Variants in DNAH5 observed in about 807,000 individuals in gnomAD.
DNAH5 encodes dynein axonemal heavy chain 5, also known as axonemal beta dynein heavy chain 5.
Under a neutral mutation model 518.2 loss-of-function variants are expected in DNAH5, and 372 were observed. That is an observed-to-expected ratio of 0.72 (90% CI 0.66 to 0.78). The LOEUF (loss-of-function observed/expected upper bound fraction) is 0.78, where lower values mean the gene tolerates loss of function less well. DNAH5 is among the 30% of genes least tolerant of loss of function. The pLI, the probability that DNAH5 is intolerant of heterozygous loss-of-function variation, is 0.00. For synonymous variants in DNAH5, 2,039 were observed against 2,025.9 expected, an observed-to-expected ratio of 1.01 and a Z score of -0.17; for missense variants, 5,523 against 5,687.0, an observed-to-expected ratio of 0.97 and a Z score of 0.93.
intron 47 of DNAH5, among the ~76,000 whole-genome samples, chr5:13,800,795 T>C (rs1028315923): frequency 3.3e-5 from 5 of 152,324 alleles, no homozygotes; most frequent in Middle Eastern, 3.4e-3. Context: ...ATCTCTTTGA[T>C]TGGTGTTCCC....
intron 35 of DNAH5, among the ~76,000 whole-genome samples, chr5:13,837,260 T>A (rs545109280): frequency 6.6e-6 from 1 of 152,056 alleles, no homozygotes; most frequent in African/African-American, 2.4e-5. Flanking sequence ...ATGAAGTGAG[T>A]TGAAGAAAAA....
At position 13,807,732 on chromosome 5, in the gene DNAH5, T is replaced by C. The variant is rs374025017; in HGVS notation, c.7753-7A>G. On this transcript the variant is annotated splice_polypyrimidine_tract_variant and splice_region_variant and intron_variant, in intron 46 of 78. Coordinates refer to ENST00000265104, the MANE Select transcript of DNAH5 (RefSeq NM_001369.3). ...CACCAATTAATAGCACAGCCTAAAA[T>C]AGAGGGAATTGAAAAAAAAAGAAAT... The C allele has an allele frequency of 4.9e-5, 79 of 1,599,798 alleles. No homozygotes were observed. Among genetic ancestry groups the C allele is most frequent in the African/African-American group, 4.3e-4 (32 of 74,608 alleles).
intron 53 of DNAH5, among the ~76,000 whole-genome samples, chr5:13,780,018 C>T (rs1339430156): frequency 6.6e-6 from 1 of 152,172 alleles, no homozygotes; most frequent in East Asian, 1.9e-4. Flanking sequence ...TTTATCATCA[C>T]TTTAAAGGCC....
Position 13,919,239 on chromosome 5 carries a change from C to T in DNAH5, c.912G>A (p.Leu304=), listed in dbSNP as rs1776989378. Residue 304 remains leucine, a synonymous_variant, in exon 7 of 79, where the codon TTG becomes TTA. Coordinates refer to ENST00000265104, the MANE Select transcript of DNAH5 (RefSeq NM_001369.3). ...LSKFNYLLEQ[L]KSPDVKAVLA... Reference sequence around the variant, plus strand: ...GCACAGCCTTCACATCCGGGCTTTTCAATTGTTCCAAAAGGTAGTTAAACT... The same window carrying T: ...GCACAGCCTTCACATCCGGGCTTTTTAATTGTTCCAAAAGGTAGTTAAACT... The T allele has an allele frequency of 1.2e-6, 2 of 1,614,136 alleles. No homozygotes were observed. Among genetic ancestry groups the T allele is most frequent in the East Asian group, 4.5e-5 (2 of 44,886 alleles).
intron 47 of DNAH5, among the ~76,000 whole-genome samples, chr5:13,796,027 C>T (rs1301621676): frequency 3.9e-5 from 6 of 152,174 alleles, no homozygotes; most frequent in Non-Finnish European, 8.8e-5. Context: ...TCTCAATAAA[C>T]TAGGTATTGA....
Position 13,841,704 on chromosome 5 carries a change from G to A in DNAH5, c.5472C>T (p.Ser1824=), listed in dbSNP as rs372046349. 116 of 1,612,122 alleles carry A rather than the reference G, an allele frequency of 7.2e-5. No individual in the cohort carries two copies. Among genetic ancestry groups the A allele is most frequent in the Non-Finnish European group, 9.8e-5 (115 of 1,178,368 alleles). Residue 1824 remains serine, a synonymous_variant, in exon 33 of 79, where the codon TCC becomes TCT. Transcript: ENST00000265104. Reference sequence around the variant, plus strand: ...TCAATACACTGACCTGAGCAGGGAAGGATGAAAGAAATTCAGTTAGTTGGA... The same window carrying A: ...TCAATACACTGACCTGAGCAGGGAAAGATGAAAGAAATTCAGTTAGTTGGA... ...TGFQLTEFLS[S]FPAQVGLLGI...
At chr5:13,772,426 G>T (rs1753470159) in intron 55 of DNAH5, among the ~76,000 whole-genome samples, 1 of 152,160 alleles carries the variant, frequency 6.6e-6, no homozygotes, top group Admixed American at 6.5e-5. Context: ...TTTTTCCACA[G>T]ACCCAGGATC....
At chr5:13,904,393 ATAAAT>A (rs929154544) in intron 12 of DNAH5, among the ~76,000 whole-genome samples, 2 of 148,552 alleles carry the variant, frequency 1.3e-5, no homozygotes, top group African/African-American at 4.9e-5. Context: ...GATATTATAT[ATAAAT>A]TATAGATATA....
chr5:13,978,015 C>A (rs1256584188), intron 1 of DNAH5, among the ~76,000 whole-genome samples: 1 of 152,312 alleles, frequency 6.6e-6, no homozygotes, highest in East Asian at 1.9e-4. Context: ...CCATGGGGGA[C>A]TCTGTGAGAG....
intron 47 of DNAH5, among the ~76,000 whole-genome samples, chr5:13,799,835 C>T (rs1447422734): frequency 3.9e-5 from 6 of 152,114 alleles, no homozygotes; most frequent in African/African-American, 9.7e-5. Flanking sequence ...TTCCTATATA[C>T]ACTTTATATA....
At position 13,884,988 on chromosome 5, in the gene DNAH5, C is replaced by T. The variant is rs1772196982; in HGVS notation, c.2983+1G>A. 1.1e-5 allele frequency: 18 copies of T among 1,614,054 alleles called. No homozygotes were observed. Among genetic ancestry groups the T allele is most frequent in the African/African-American group, 4.0e-5 (3 of 74,942 alleles). On this transcript the variant is annotated splice_donor_variant, in intron 19 of 78. Coordinates refer to ENST00000265104, the MANE Select transcript of DNAH5 (RefSeq NM_001369.3). LOFTEE classifies it high-confidence loss of function. ...CTAAGCAAACCACACAAGATTATTA[C>T]CCCGGAAGTTAATTGTGTGAGAGGA...
At chr5:13,705,625 C>T (rs996542934) in intron 76 of DNAH5, among the ~76,000 whole-genome samples, 122 of 152,262 alleles carry the variant, frequency 8.0e-4, no homozygotes, top group African/African-American at 2.5e-3. Context: ...CCCTCAAAAC[C>T]ATACATTGAA....
intron 30 of DNAH5, among the ~76,000 whole-genome samples, chr5:13,854,550 C>T (rs1034712219): frequency 1.3e-5 from 2 of 152,064 alleles, no homozygotes; most frequent in African/African-American, 4.8e-5. Flanking sequence ...GGGGTAAATG[C>T]CCCAATTAAA....
intron 1 of DNAH5, among the ~76,000 whole-genome samples, chr5:13,969,802 C>A (rs1426002832): frequency 6.6e-6 from 1 of 152,140 alleles, no homozygotes; most frequent in Non-Finnish European, 1.5e-5. Context: ...GTAGAATGTT[C>A]TGTAAATATC....
chr5:13,929,314 G>A (rs139730202), intron 2 of DNAH5, among the ~76,000 whole-genome samples: 153 of 152,284 alleles, frequency 1.0e-3, no homozygotes, highest in African/African-American at 3.4e-3. Context: ...AGTAGAATGC[G>A]GGGGTTGCCA....
chr5:13,734,999 A>G (rs1747163494), intron 68 of DNAH5, 132 bp downstream of exon 68: 5 of 811,496 alleles, frequency 6.2e-6, no homozygotes, highest in Non-Finnish European at 1.0e-5. Context: ...AAGAACAAAT[A>G]AAATATCTCA....
chr5:13,949,461 T>G (rs1373975), upstream of DNAH5, among the ~76,000 whole-genome samples: 1,274 of 152,308 alleles, frequency 8.4e-3, 17 homozygotes, highest in African/African-American at 0.029. Flanking sequence ...AGTGATATGG[T>G]TGGTTGATTT....
intron 27 of DNAH5, among the ~76,000 whole-genome samples, chr5:13,864,942 C>T (rs536795521): frequency 2.0e-5 from 3 of 151,600 alleles, no homozygotes; most frequent in Admixed American, 1.3e-4. Context: ...GTACTGAGAA[C>T]TTACTAAGCA....
In DNAH5 at chr5:13,911,460, T is replaced by A; in HGVS notation, c.1570A>T (p.Asn524Tyr). ...IVATIKKKEY[N>Y]FLDQRKMDFD... The stretch of plus-strand genomic sequence containing the variant: ...TCCATTTTCCGCTGGTCTAGGAAAT[T>A]GTATTCCTTTTTCTTTATGGTTGCC... The change falls in exon 12 of 79, where the codon AAT (asparagine) becomes TAT (tyrosine). Residue 524 changes from asparagine (N) to tyrosine (Y), a missense_variant. This residue lies in a region of DNAH5 where 5,121 missense variants were observed against 5,223.3 expected (regional missense o/e 0.98). Transcript: ENST00000265104. 6.2e-7 allele frequency: 1 copy of A among 1,614,018 alleles called. No individual in the cohort carries two copies. The highest frequency in any genetic ancestry group is 8.5e-7 in the Non-Finnish European group (1 of 1,179,964).
Sources: allele counts gnomAD v4.1 joint callset (sites outside exome capture counted in the v4.1 genomes callset), GRCh38; gene constraint gnomAD v4.1.1; regional missense constraint gnomAD v4.1.1; transcripts MANE v1.5; gene names NCBI Gene and HGNC (gene_info 2026-07-23, HGNC 2026-07-21).